The following ERP44 variants were observed in gnomAD, a reference collection of about 807,000 sequenced individuals.
ERP44 encodes the protein endoplasmic reticulum protein 44.
In ERP44, 25 loss-of-function variants were observed where a neutral mutation model predicts 53.4. The observed-to-expected ratio is 0.47, with a 90% CI of 0.34 to 0.65. ERP44 has a LOEUF of 0.65. Among genes scored for constraint, ERP44 ranks in the 30% least tolerant of loss-of-function variants. ERP44 has a pLI of 0.01. For missense variants in ERP44, 338 were observed against 493.2 expected (o/e 0.69, Z 2.98); for synonymous variants, 145 against 161.2 (o/e 0.90, Z 0.76).
At chr9:100,035,907 C>T (rs1825844891) in intron 4 of ERP44, among the ~76,000 whole-genome samples, 1 of 152,062 alleles carries the variant, frequency 6.6e-6, no homozygotes, top group African/African-American at 2.4e-5. Context: ...CAGATGATGG[C>T]AAGGCTGAAG....
At chr9:100,047,521 T>G (rs1825986077) in intron 4 of ERP44, among the ~76,000 whole-genome samples, 1 of 152,114 alleles carries the variant, frequency 6.6e-6, no homozygotes, top group Admixed American at 6.5e-5. Context: ...TGCAAAATAA[T>G]AAAGTTGGGC....
chr9:99,985,853 C>G (rs1043373044), intron 10 of ERP44, among the ~76,000 whole-genome samples: 4 of 152,180 alleles, frequency 2.6e-5, no homozygotes, highest in African/African-American at 4.8e-5. Context: ...AAGGGGACTT[C>G]CCCAGGATTT....
At chr9:100,000,083 A>G (rs1830360946) in intron 10 of ERP44, among the ~76,000 whole-genome samples, 1 of 151,980 alleles carries the variant, frequency 6.6e-6, no homozygotes, top group Admixed American at 6.6e-5. Context: ...CAAGGATATT[A>G]CCCTGTAATT....
intron 10 of ERP44, among the ~76,000 whole-genome samples, chr9:99,996,281 G>A (rs1830309136): frequency 6.6e-6 from 1 of 152,140 alleles, no homozygotes; most frequent in East Asian, 1.9e-4. Flanking sequence ...ATTAGATCCT[G>A]TGAGAGTGAG....
chr9:100,007,237 A>T (rs1288607042), intron 9 of ERP44, among the ~76,000 whole-genome samples: 1 of 152,238 alleles, frequency 6.6e-6, no homozygotes, highest in Non-Finnish European at 1.5e-5. Flanking sequence ...AGACTGTGTA[A>T]GCTCTCTCAG....
intron 6 of ERP44, 102 bp downstream of exon 6, chr9:100,020,514 A>G (rs1005604538): frequency 3.1e-6 from 2 of 650,476 alleles, no homozygotes; most frequent in African/African-American, 3.7e-5. Flanking sequence ...AAGGATTGAG[A>G]TCATTTTTGG....
intron 4 of ERP44, among the ~76,000 whole-genome samples, chr9:100,029,696 A>G (rs1825759133): frequency 6.6e-6 from 1 of 152,236 alleles, no homozygotes; most frequent in African/African-American, 2.4e-5. Context: ...GGAAATCAGT[A>G]TAGCAAGGAC....
At chr9:100,051,269 A>G (rs112902914) in intron 4 of ERP44, among the ~76,000 whole-genome samples, 41 of 152,348 alleles carry the variant, frequency 2.7e-4, no homozygotes, top group African/African-American at 9.4e-4. Context: ...AAATGAAGGC[A>G]TTTGGTCAGA....
chr9:99,996,250 G>A (rs1473788040), intron 10 of ERP44, among the ~76,000 whole-genome samples: 3 of 152,126 alleles, frequency 2.0e-5, no homozygotes, highest in African/African-American at 7.2e-5. Flanking sequence ...AGTGAGATAG[G>A]ATTAGTTTTG....
At chr9:100,081,883 T>C (rs1011711368) in intron 1 of ERP44, among the ~76,000 whole-genome samples, 2 of 152,202 alleles carry the variant, frequency 1.3e-5, no homozygotes, top group Middle Eastern at 3.4e-3. Flanking sequence ...TGCCACTCAC[T>C]GCAAATCACA....
At chr9:99,982,856 T>A (rs1044009458) in intron 11 of ERP44, 143 bp from the exon 12 acceptor site, 1 of 450,436 alleles carries the variant, frequency 2.2e-6, no homozygotes, top group Admixed American at 4.1e-5. Flanking sequence ...CAAAGCAAGA[T>A]ATTTAAATGT....
chr9:100,037,130 C>A (rs540281796), intron 4 of ERP44, among the ~76,000 whole-genome samples: 1 of 152,316 alleles, frequency 6.6e-6, no homozygotes, highest in East Asian at 1.9e-4. Context: ...ACCCCTCACT[C>A]ATCCCCTGGC....
Position 100,098,936 on chromosome 9 carries a change from G to C in ERP44, c.-96C>G, listed in dbSNP as rs938283939. The C allele has an allele frequency of 2.4e-5, 23 of 945,202 alleles. No individual in the cohort carries two copies. The African/African-American group carries it at 3.8e-4, about 16-fold the overall frequency. The allele number at this position is 945,202 out of a possible 1,614,324, so 58.6% of individuals were successfully genotyped here. On this transcript the variant is annotated 5_prime_UTR_variant, in exon 1 of 12. Transcript: ENST00000262455. The stretch of plus-strand genomic sequence containing the variant: ...AAAGGGCTGGGCTCCGGGAGCCGAC[G>C]GCAGCGGAGGATTCTCCAGGCAGCG...
intron 10 of ERP44, chr9:99,998,268 G>A: frequency 6.2e-6 from 2 of 322,116 alleles, no homozygotes; most frequent in South Asian, 3.9e-5. Context: ...GGATACCCTC[G>A]CTCGTCCACG....
At chr9:100,023,001 T>C (rs1830610981) in intron 4 of ERP44, among the ~76,000 whole-genome samples, 1 of 152,174 alleles carries the variant, frequency 6.6e-6, no homozygotes, top group South Asian at 2.1e-4. Context: ...GAACAACTGG[T>C]CATACTGAGA....
At chr9:100,029,817 C>T (rs560148383) in intron 4 of ERP44, among the ~76,000 whole-genome samples, 4 of 152,238 alleles carry the variant, frequency 2.6e-5, no homozygotes, top group Admixed American at 6.5e-5. Context: ...GGGCCGGGTG[C>T]GGTGGCTCAT....
At chr9:99,984,749 T>G (rs895916495) in intron 11 of ERP44, among the ~76,000 whole-genome samples, 1 of 152,190 alleles carries the variant, frequency 6.6e-6, no homozygotes, top group African/African-American at 2.4e-5. Flanking sequence ...CAGAACACTT[T>G]TATACAATCA....
chr9:100,045,045 G>C (rs1333612748), intron 4 of ERP44, among the ~76,000 whole-genome samples: 1 of 152,030 alleles, frequency 6.6e-6, no homozygotes, highest in East Asian at 1.9e-4. Context: ...TTCCAGTCTG[G>C]CTCCCTCCAT....
At chr9:99,985,384 A>G (rs562132160) in intron 10 of ERP44, among the ~76,000 whole-genome samples, 58 of 152,332 alleles carry the variant, frequency 3.8e-4, no homozygotes, top group African/African-American at 1.4e-3. Flanking sequence ...ATATTTTCCT[A>G]AATTACATAT....
Sources: allele counts gnomAD v4.1 joint callset (sites outside exome capture counted in the v4.1 genomes callset), GRCh38; gene constraint gnomAD v4.1.1; transcripts MANE v1.5; gene names NCBI Gene and HGNC (gene_info 2026-07-23, HGNC 2026-07-21).